Variants in CCL8 observed in about 807,000 individuals in gnomAD.
CCL8 encodes the protein C-C motif chemokine 8.
CCL8 carries 3 observed loss-of-function variants against 6.6 expected under a neutral mutation model. That is an observed-to-expected ratio of 0.45 (90% confidence interval 0.21 to 1.17). The LOEUF (loss-of-function observed/expected upper bound fraction) is 1.17. Among genes scored for constraint, CCL8 ranks in the 50% most tolerant of loss-of-function variants. The pLI, the probability that CCL8 is intolerant of heterozygous loss-of-function variation, is 0.24. For missense variants in CCL8, 127 were observed against 118.1 expected, an observed-to-expected ratio of 1.08 and a Z score of -0.35; for synonymous variants, 49 against 41.8, an observed-to-expected ratio of 1.17 and a Z score of -0.67.
Position 34,320,499 on chromosome 17 carries a change from C to T in CCL8, c.194+113C>T, listed in dbSNP as rs1047780161. On this transcript the variant is annotated intron_variant, in intron 2 of 2. Coordinates refer to ENST00000394620, the MANE Select transcript of CCL8 (RefSeq NM_005623.3). The stretch of plus-strand genomic sequence containing the variant: ...CATATAACTTCTATCCAAAGGGCCC[C>T]TCTACCCCATAGAGAAACTCAGTCC... 63 of 728,654 alleles carry T rather than the reference C, an allele frequency of 8.6e-5. No individual in the cohort carries two copies. In the East Asian group the frequency reaches 1.6e-3, roughly 18 times the overall value. The allele number at this position is 728,654 out of a possible 1,614,324, so 45.1% of individuals were successfully genotyped here.
chr17:34,320,416 CA>C, intron 2 of CCL8, 30 bp downstream of exon 2: 1 of 1,372,914 alleles, frequency 7.3e-7, no homozygotes. Flanking sequence ...CACCCCCATT[CA>C]AAAGTTCTGA....
At position 34,320,914 on chromosome 17, in the gene CCL8, A is replaced by G; in HGVS notation, c.*7A>G. On this transcript the variant is annotated 3_prime_UTR_variant, in exon 3 of 3. Coordinates refer to ENST00000394620, the MANE Select transcript of CCL8 (RefSeq NM_005623.3). ...TCAAAATCTGAAGCCATGAGCCTTC[A>G]TACATGGACTGAGAGTCAGAGCTTG... 1 of 1,571,728 alleles carries G rather than the reference A, an allele frequency of 6.4e-7. No individual in the cohort carries two copies. The highest frequency in any genetic ancestry group is 8.7e-7 in the Non-Finnish European group (1 of 1,147,858).
chr17:34,319,729 A>T (rs1169432894), intron 1 of CCL8, 152 bp downstream of exon 1: 8 of 604,594 alleles, frequency 1.3e-5, no homozygotes, highest in Non-Finnish European at 2.3e-5. Context: ...GGGAGGAGAC[A>T]GTGGAGCCGC....
In CCL8 at chr17:34,320,878, G is replaced by C; in HGVS notation, c.271G>C (p.Asp91His). 1.2e-6 allele frequency: 2 copies of C among 1,609,786 alleles called. No individual in the cohort carries two copies. Among genetic ancestry groups the C allele is most frequent in the Non-Finnish European group, 1.7e-6 (2 of 1,178,110 alleles). The part of the protein sequence containing the change: ...RWVRDSMKHL[D>H]QIFQNLKP ...GGTCAGGGATTCCATGAAGCATCTG[G>C]ACCAAATATTTCAAAATCTGAAGCC... Residue 91 changes from aspartate (D) to histidine (H), a missense_variant, in exon 3 of 3, where the codon GAC (aspartate) becomes CAC (histidine). By Grantham distance (81) the Asp-to-His change is moderately conservative (BLOSUM62 -1). Transcript: ENST00000394620.
In CCL8 at chr17:34,320,959, T is replaced by G; in HGVS notation, c.*52T>G. The G allele has an allele frequency of 9.4e-7, 1 of 1,067,908 alleles. No homozygotes were observed. The highest frequency in any genetic ancestry group is 1.4e-6 in the Non-Finnish European group (1 of 710,488). 66.2% of individuals were successfully genotyped at this position (1,067,908 alleles called of 1,614,324 possible). A position where few individuals can be genotyped will look rare whatever the true frequency, so the allele number is the denominator to read the frequency against. ...AGCTTGAAGAAAAGCTTATTTATTT[T>G]CCCCAACCTCCCCCAGGTGCAGTGT... On this transcript the variant is annotated 3_prime_UTR_variant, in exon 3 of 3. Transcript: ENST00000394620.
At position 34,320,290 on chromosome 17, in the gene CCL8, C is replaced by T. The variant is rs1909480096; in HGVS notation, c.98C>T (p.Thr33Ile). The change falls in exon 2 of 3, where the codon ACC (threonine) becomes ATC (isoleucine). Residue 33 changes from threonine to isoleucine, a missense_variant. Transcript: ENST00000394620. ...TCAGATTCAGTTTCCATTCCAATCA[C>T]CTGCTGCTTTAACGTGATCAATAGG... The part of the protein sequence containing the change: ...AQPDSVSIPI[T>I]CCFNVINRKI... 2 of 1,613,060 alleles carry T rather than the reference C, an allele frequency of 1.2e-6. No individual in the cohort carries two copies.
chr17:34,320,948 CTTAT>C lies in CCL8; in HGVS notation c.*48_*51del. On this transcript the variant is annotated 3_prime_UTR_variant, in exon 3 of 3. Coordinates refer to ENST00000394620, the MANE Select transcript of CCL8 (RefSeq NM_005623.3). The stretch of plus-strand genomic sequence containing the variant: ...CTGAGAGTCAGAGCTTGAAGAAAAG[CTTAT>C]TTATTTTCCCCAACCTCCCCCAGGT... The C allele has an allele frequency of 7.3e-7, 1 of 1,364,548 alleles. No homozygotes were observed. The highest frequency in any genetic ancestry group is 1.5e-5 in the African/African-American group (1 of 68,366). 84.5% of individuals were successfully genotyped at this position (1,364,548 alleles called of 1,614,324 possible).
At chr17:34,320,220 C>A in intron 1 of CCL8, 49 bp from the exon 2 acceptor site, 1 of 1,114,636 alleles carries the variant, frequency 9.0e-7, no homozygotes, top group Non-Finnish European at 1.4e-6. Context: ...TACAAATGCA[C>A]ACTTACGGTG....
chr17:34,320,919 T>C lies in CCL8; in HGVS notation c.*12T>C, dbSNP rs201646296. 3.2e-5 allele frequency: 49 copies of C among 1,549,422 alleles called. 3 individuals carry two copies. The South Asian group carries it at 5.5e-4, about 17-fold the overall frequency. ...ATCTGAAGCCATGAGCCTTCATACATGGACTGAGAGTCAGAGCTTGAAGAA... is the reference window on the plus strand; with the variant it reads ...ATCTGAAGCCATGAGCCTTCATACACGGACTGAGAGTCAGAGCTTGAAGAA... On this transcript the variant is annotated 3_prime_UTR_variant, in exon 3 of 3. Transcript: ENST00000394620.
In CCL8 at chr17:34,320,397, A is replaced by G; in HGVS notation, c.194+11A>G. On this transcript the variant is annotated intron_variant, in intron 2 of 2. Coordinates refer to ENST00000394620, the MANE Select transcript of CCL8 (RefSeq NM_005623.3). ...CAAGGAAGCTGTGATGTGAGTGGACAGTGCCTGGCACCCCCATTCAAAAGT... is the reference window on the plus strand; with the variant it reads ...CAAGGAAGCTGTGATGTGAGTGGACGGTGCCTGGCACCCCCATTCAAAAGT... 3 of 1,519,234 alleles carry G rather than the reference A, an allele frequency of 2.0e-6. No individual in the cohort carries two copies. The highest frequency in any genetic ancestry group is 2.7e-6 in the Non-Finnish European group (3 of 1,093,504). The allele number at this position is 1,519,234 out of a possible 1,614,324, so 94.1% of individuals were successfully genotyped here. A position where few individuals can be genotyped will look rare whatever the true frequency, so the allele number is the denominator to read the frequency against.
Position 34,319,456 on chromosome 17 carries a change from G to A in CCL8, c.-46G>A. Reference sequence around the variant, plus strand: ...GAGCAGAGAGGTTGAGAACAACCCAGAAACCTTCACCTCTCATGCTGAAGC... The same window carrying A: ...GAGCAGAGAGGTTGAGAACAACCCAAAAACCTTCACCTCTCATGCTGAAGC... On this transcript the variant is annotated 5_prime_UTR_variant, in exon 1 of 3. Transcript: ENST00000394620. The A allele has an allele frequency of 6.3e-7, 1 of 1,576,930 alleles. No individual in the cohort carries two copies. The highest frequency in any genetic ancestry group is 1.1e-5 in the South Asian group (1 of 90,210).
intron 2 of CCL8, 49 bp downstream of exon 2, chr17:34,320,435 C>T (rs749889577): frequency 6.0e-6 from 7 of 1,172,992 alleles, no homozygotes; most frequent in South Asian, 3.7e-5. Flanking sequence ...TGATGGACAA[C>T]ATAGAGAAGT....
rs1909459189 is a variant in CCL8 at position 34,319,562 on chromosome 17, G to A, written c.61G>A (p.Gly21Arg). 1 of 1,613,718 alleles carries A rather than the reference G, an allele frequency of 6.2e-7. No homozygotes were observed. The change falls in exon 1 of 3, where the codon GGA (glycine) becomes AGA (arginine). Residue 21 changes from glycine (G) to arginine (R), a missense_variant. Gly to Arg is a moderately radical substitution (Grantham distance 125). Coordinates refer to ENST00000394620, the MANE Select transcript of CCL8 (RefSeq NM_005623.3). ...CATGGCAGCCACTTTCAGCCCTCAG[G>A]GACTTGCTCAGCCAGGTAAGACCTC... ...LLMAATFSPQ[G>R]LAQPDSVSIP...
chr17:34,320,033 T>C (rs956620797), intron 1 of CCL8, among the ~76,000 whole-genome samples: 3 of 152,144 alleles, frequency 2.0e-5, no homozygotes, highest in Admixed American at 2.0e-4. Context: ...TTTGGGTTAG[T>C]AGACAAGGAC....
At chr17:34,320,095 G>C (rs1272764864) in intron 1 of CCL8, among the ~76,000 whole-genome samples, 174 bp from the exon 2 acceptor site, 3 of 152,180 alleles carry the variant, frequency 2.0e-5, no homozygotes, top group Non-Finnish European at 4.4e-5. Context: ...ACGGGCCGCA[G>C]AGTTCAATAG....
chr17:34,320,992 T>C lies in CCL8; in HGVS notation c.*85T>C. 2.8e-6 allele frequency: 2 copies of C among 714,444 alleles called. No individual in the cohort carries two copies. The highest frequency in any genetic ancestry group is 3.6e-5 in the South Asian group (2 of 55,068). The allele number at this position is 714,444 out of a possible 1,614,324, so 44.3% of individuals were successfully genotyped here. A position where few individuals can be genotyped will look rare whatever the true frequency, so the allele number is the denominator to read the frequency against. On this transcript the variant is annotated 3_prime_UTR_variant, in exon 3 of 3. Transcript: ENST00000394620. The stretch of plus-strand genomic sequence containing the variant: ...CTCCCCCAGGTGCAGTGTGACATTA[T>C]TTTATTATAACATCCACAAAGAGAT...
rs1555545733 is a variant in CCL8 at position 34,320,972 on chromosome 17, CCA to C, written c.*66_*67del. 7 of 902,572 alleles carry C rather than the reference CCA, an allele frequency of 7.8e-6. No homozygotes were observed. The highest frequency in any genetic ancestry group is 1.2e-5 in the Non-Finnish European group (7 of 570,756). The allele number at this position is 902,572 out of a possible 1,614,324, so 55.9% of individuals were successfully genotyped here. A position where few individuals can be genotyped will look rare whatever the true frequency, so the allele number is the denominator to read the frequency against. On this transcript the variant is annotated 3_prime_UTR_variant, in exon 3 of 3. Transcript: ENST00000394620. ...GCTTATTTATTTTCCCCAACCTCCC[CCA>C]GGTGCAGTGTGACATTATTTTATTA...
In CCL8 at chr17:34,321,057, T is replaced by C; in HGVS notation, c.*150T>C. On this transcript the variant is annotated 3_prime_UTR_variant, in exon 3 of 3. Transcript: ENST00000394620. ...TTAAAGCATAATATTTCTTAAAAAGTATTTAATTATATTTAAGTTGTTGAT... is the reference window on the plus strand; with the variant it reads ...TTAAAGCATAATATTTCTTAAAAAGCATTTAATTATATTTAAGTTGTTGAT... 1.9e-6 allele frequency: 1 copy of C among 539,728 alleles called. No individual in the cohort carries two copies. The allele number at this position is 539,728 out of a possible 1,614,324, so 33.4% of individuals were successfully genotyped here. A position where few individuals can be genotyped will look rare whatever the true frequency, so the allele number is the denominator to read the frequency against.
In CCL8 at chr17:34,321,238, A is replaced by T; in HGVS notation, c.*331A>T. ...GTCTGTAGTGTTGTGGGGTCCTCCC[A>T]TGGATCATCAAGGTGAAACACTTTG... On this transcript the variant is annotated 3_prime_UTR_variant, in exon 3 of 3. Transcript: ENST00000394620. The T allele has an allele frequency of 4.1e-6, 1 of 241,950 alleles. No homozygotes were observed. Among genetic ancestry groups the T allele is most frequent in the South Asian group, 6.3e-5 (1 of 15,982 alleles). The allele number at this position is 241,950 out of a possible 1,614,324, so 15.0% of individuals were successfully genotyped here.
Sources: allele counts gnomAD v4.1 joint callset (sites outside exome capture counted in the v4.1 genomes callset), GRCh38; gene constraint gnomAD v4.1.1; transcripts MANE v1.5; gene names NCBI Gene and HGNC (gene_info 2026-07-23, HGNC 2026-07-21).